The following ACTR5 variants were observed in gnomAD, a reference collection of about 807,000 sequenced individuals.
ACTR5 encodes actin-related protein 5.
A neutral mutation model predicts 61.2 loss-of-function variants in ACTR5; 43 were observed. The observed-to-expected ratio is 0.70, with a 90% CI of 0.55 to 0.91. The LOEUF is 0.91. Ranked by LOEUF, ACTR5 falls within the 40% of genes least tolerant of loss-of-function variation. The pLI is 0.00. For missense variants in ACTR5, 798 were observed against 782.2 expected (o/e 1.02, Z -0.24); for synonymous variants, 333 against 310.5 (o/e 1.07, Z -0.76).
Position 38,771,790 on chromosome 20 carries a change from G to T in ACTR5, c.1798G>T (p.Gly600Ter), listed in dbSNP as rs748244872. ...QASSKGSAAG[G>*]GGAGEQA is the part of the protein sequence containing the mutation. ...ATCCAGCAAGGGCTCCGCTGCTGGTGGAGGTGGTGCTGGTGAGCAGGCATA... is the reference window on the plus strand; with the variant it reads ...ATCCAGCAAGGGCTCCGCTGCTGGTTGAGGTGGTGCTGGTGAGCAGGCATA... The change falls in exon 9 of 9, where the codon GGA becomes TGA. Residue 600 changes from glycine to a stop codon, truncating the protein, a stop_gained. Coordinates refer to ENST00000243903, the MANE Select transcript of ACTR5 (RefSeq NM_024855.4). LOFTEE classifies it high-confidence loss of function. 6.2e-7 allele frequency: 1 copy of T among 1,613,020 alleles called. No individual in the cohort carries two copies. The highest frequency in any genetic ancestry group is 1.3e-5 in the African/African-American group (1 of 74,950).
intron 8 of ACTR5, 75 bp from the exon 9 acceptor site, chr20:38,771,484 G>A: frequency 1.3e-6 from 2 of 1,552,442 alleles, no homozygotes; most frequent in Non-Finnish European, 1.7e-6. Context: ...AAATATCGGG[G>A]GCTGTAGCTG....
At chr20:38,771,513 T>A in intron 8 of ACTR5, 46 bp from the exon 9 acceptor site, 1 of 1,585,266 alleles carries the variant, frequency 6.3e-7, no homozygotes, top group Non-Finnish European at 8.6e-7. Flanking sequence ...CAACATTCAC[T>A]CCTGGAGCCC....
intron 1 of ACTR5, among the ~76,000 whole-genome samples, chr20:38,749,223 C>A (rs2084371650): frequency 6.6e-6 from 1 of 152,122 alleles, no homozygotes; most frequent in South Asian, 2.1e-4. Flanking sequence ...AGACAGTAAA[C>A]ATAGAAATAG....
At chr20:38,771,186 A>C (rs1330450367) in intron 8 of ACTR5, among the ~76,000 whole-genome samples, 1 of 152,018 alleles carries the variant, frequency 6.6e-6, no homozygotes, top group Non-Finnish European at 1.5e-5. Flanking sequence ...GTTTCCCTCT[A>C]CTCAGAGTGG....
At chr20:38,771,272 TGACAGCATCA>T (rs1324914385) in intron 8 of ACTR5, among the ~76,000 whole-genome samples, 2 of 152,342 alleles carry the variant, frequency 1.3e-5, no homozygotes, top group East Asian at 3.9e-4. Flanking sequence ...AGCTTGTGGT[TGACAGCATCA>T]GGCAGCAGGA....
chr20:38,751,995 C>T, intron 2 of ACTR5, 136 bp from the exon 3 acceptor site: 1 of 996,174 alleles, frequency 1.0e-6, no homozygotes, highest in Non-Finnish European at 1.4e-6. Context: ...AACGTCCCTT[C>T]TGACTATCAG....
chr20:38,759,125 C>T, intron 5 of ACTR5, among the ~76,000 whole-genome samples: 1 of 152,144 alleles, frequency 6.6e-6, no homozygotes, highest in East Asian at 1.9e-4. Flanking sequence ...GGGGAGAACA[C>T]AGGTTTTGAG....
At chr20:38,751,405 C>G (rs1285762088) in intron 2 of ACTR5, among the ~76,000 whole-genome samples, 1 of 152,138 alleles carries the variant, frequency 6.6e-6, no homozygotes. Flanking sequence ...CCAAATGCTC[C>G]TGATGTATGA....
At chr20:38,754,930 A>G (rs757007106) in intron 3 of ACTR5, 27 bp from the exon 4 acceptor site, 8 of 1,609,608 alleles carry the variant, frequency 5.0e-6, no homozygotes, top group Non-Finnish European at 6.8e-6. Flanking sequence ...TTTCCATTTC[A>G]TAACTTTCAA....
chr20:38,753,883 T>C (rs963575392), intron 3 of ACTR5, among the ~76,000 whole-genome samples: 11 of 151,664 alleles, frequency 7.3e-5, no homozygotes, highest in African/African-American at 2.7e-4. Flanking sequence ...CTTTTTTTTT[T>C]TTTTTTTAAA....
At chr20:38,762,406 C>T (rs1437629990) in intron 5 of ACTR5, among the ~76,000 whole-genome samples, 1 of 152,214 alleles carries the variant, frequency 6.6e-6, no homozygotes, top group African/African-American at 2.4e-5. Flanking sequence ...CACATGACAT[C>T]ATTTGCACCA....
At chr20:38,769,067 A>G (rs555306660) in intron 8 of ACTR5, among the ~76,000 whole-genome samples, 1 of 152,318 alleles carries the variant, frequency 6.6e-6, no homozygotes, top group African/African-American at 2.4e-5. Context: ...AGAACTGTCC[A>G]GGGTTCTCTC....
Position 38,748,658 on chromosome 20 carries a change from G to T in ACTR5, c.180G>T (p.Gln60His). ...GQDPGPEPRL[Q>H]FRAVCARGRG... ...ACCCAGGTCCCGAGCCGCGCCTGCA[G>T]TTCCGCGCGGTGTGCGCCCGCGGTC... The change falls in exon 1 of 9, where the codon CAG (glutamine) becomes CAT (histidine). Residue 60 changes from glutamine (Q) to histidine (H), a missense_variant. Coordinates refer to ENST00000243903, the MANE Select transcript of ACTR5 (RefSeq NM_024855.4). 1 of 1,517,810 alleles carries T rather than the reference G, an allele frequency of 6.6e-7. No homozygotes were observed. Among genetic ancestry groups the T allele is most frequent in the Non-Finnish European group, 8.8e-7 (1 of 1,135,584 alleles). 94.0% of individuals were successfully genotyped at this position (1,517,810 alleles called of 1,614,324 possible). A position where few individuals can be genotyped will look rare whatever the true frequency, so the allele number is the denominator to read the frequency against.
intron 5 of ACTR5, among the ~76,000 whole-genome samples, chr20:38,762,221 C>T (rs1329294448): frequency 6.6e-6 from 1 of 152,166 alleles, no homozygotes; most frequent in Non-Finnish European, 1.5e-5. Context: ...GGTCTGGGTT[C>T]ATGGGGGACT....
chr20:38,753,610 G>C (rs1464916255), intron 3 of ACTR5, among the ~76,000 whole-genome samples: 1 of 152,120 alleles, frequency 6.6e-6, no homozygotes, highest in African/African-American at 2.4e-5. Context: ...GCTGGGTCAT[G>C]TGCTTGCATG....
At chr20:38,756,082 G>A in intron 5 of ACTR5, 43 bp downstream of exon 5, 1 of 1,559,644 alleles carries the variant, frequency 6.4e-7, no homozygotes, top group Non-Finnish European at 8.6e-7. Context: ...TTGAGGGGAG[G>A]AGTGTCCTGA....
Position 38,771,877 on chromosome 20 carries a change from C to G in ACTR5, c.*61C>G. ...GCCTTGGGCCACGTTGGCAGTGTGACAGGACTGTGATTGTGCTAGATGTAC... is the reference window on the plus strand; with the variant it reads ...GCCTTGGGCCACGTTGGCAGTGTGAGAGGACTGTGATTGTGCTAGATGTAC... On this transcript the variant is annotated 3_prime_UTR_variant, in exon 9 of 9. Coordinates refer to ENST00000243903, the MANE Select transcript of ACTR5 (RefSeq NM_024855.4). 6.5e-7 allele frequency: 1 copy of G among 1,544,812 alleles called. No individual in the cohort carries two copies. Among genetic ancestry groups the G allele is most frequent in the South Asian group, 1.2e-5 (1 of 83,352 alleles).
At position 38,752,191 on chromosome 20, in the gene ACTR5, C is replaced by G. The variant is rs775578921; in HGVS notation, c.666C>G (p.Leu222=). The change falls in exon 3 of 9, where the codon CTC becomes CTG. Residue 222 remains leucine (L), a synonymous_variant. Coordinates refer to ENST00000243903, the MANE Select transcript of ACTR5 (RefSeq NM_024855.4). ...NLGGSQAAGY[L]QRLLQLKYPG... ...GAGGAAGCCAAGCAGCTGGTTACCT[C>G]CAGCGTCTCCTCCAGCTGAAGTACC... The G allele has an allele frequency of 6.2e-7, 1 of 1,614,090 alleles. No individual in the cohort carries two copies. Among genetic ancestry groups the G allele is most frequent in the Non-Finnish European group, 8.5e-7 (1 of 1,179,966 alleles).
chr20:38,755,283 C>A, intron 4 of ACTR5, 109 bp downstream of exon 4: 1 of 1,250,570 alleles, frequency 8.0e-7, no homozygotes, highest in South Asian at 1.6e-5. Flanking sequence ...TGTTTGTCAC[C>A]TTTGGGGTCA....
Sources: allele counts gnomAD v4.1 joint callset (sites outside exome capture counted in the v4.1 genomes callset), GRCh38; gene constraint gnomAD v4.1.1; transcripts MANE v1.5; gene names NCBI Gene and HGNC (gene_info 2026-07-23, HGNC 2026-07-21).